LRP2: variants seen among roughly 807,000 people sequenced by gnomAD.
LRP2 encodes LDL receptor related protein 2, also known as low-density lipoprotein receptor-related protein 2.
LRP2 carries 172 observed loss-of-function variants against 531.0 expected under a neutral mutation model. The observed-to-expected ratio is 0.32, with a 90% CI of 0.29 to 0.37. LRP2 has a LOEUF of 0.37. LRP2 is among the 10% of genes least tolerant of loss of function. The pLI, the probability that LRP2 is intolerant of heterozygous loss-of-function variation, is 1.00. For missense variants in LRP2, 5,167 were observed against 5,868.3 expected (o/e 0.88, Z 3.90); for synonymous variants, 1,992 against 2,027.6 (o/e 0.98, Z 0.47).
chr2:169,313,082 G>A (rs1161266356), intron 3 of LRP2, among the ~76,000 whole-genome samples: 1 of 152,114 alleles, frequency 6.6e-6, no homozygotes, highest in African/African-American at 2.4e-5. Flanking sequence ...CTCTATGCTG[G>A]TTATTCTAGT....
intron 16 of LRP2, among the ~76,000 whole-genome samples, chr2:169,268,766 G>A (rs996586362): frequency 1.3e-5 from 2 of 152,300 alleles, no homozygotes; most frequent in South Asian, 4.1e-4. Flanking sequence ...AATTAGTCAG[G>A]AGAAGGAAAT....
chr2:169,204,070 T>G lies in LRP2; in HGVS notation c.7917A>C (p.Gly2639=), dbSNP rs144126440. The G allele has an allele frequency of 7.7e-4, 1,239 of 1,614,162 alleles. 15 individuals are homozygous for G. The African/African-American group carries it at 0.015, about 19-fold the overall frequency. Residue 2639 remains glycine, a synonymous_variant, in exon 42 of 79, where the codon GGA becomes GGC. Coordinates refer to ENST00000649046, the MANE Select transcript of LRP2 (RefSeq NM_004525.3). The part of the protein sequence containing the change: ...MTTNLLSQPR[G]INTVVKNQKQ... ...TCTGGTTCTTCACAACAGTGTTGAT[T>G]CCCCTGGGCTGGGAGAGCAAATTTG...
chr2:169,361,377 C>CTCTCTCTCTCTCTCTCTCTCTCT lies in LRP2; in HGVS notation c.79+943_79+944insAGAGAGAGAGAGAGAGAGAGAGA, dbSNP rs1559092856. Among the ~76,000 whole-genome samples the CTCTCTCTCTCTCTCTCTCTCTCT allele has an allele frequency of 2.1e-4, 11 of 52,282 alleles. 2 individuals are homozygous for CTCTCTCTCTCTCTCTCTCTCTCT. The highest frequency in any genetic ancestry group is 8.5e-4 in the South Asian group (1 of 1,182). The allele number at this position is 52,282 out of a possible 152,430, so 34.3% of individuals were successfully genotyped here. On this transcript the variant is annotated intron_variant, in intron 1 of 78. Transcript: ENST00000649046. ...CTCTCTCTCTCTCTCTCTCTCTCTC[C>CTCTCTCTCTCTCTCTCTCTCTCT]CTCTCTCTCTCTCTCTCTGTCTCTC...
At chr2:169,158,201 G>T (rs1686415595) in intron 63 of LRP2, among the ~76,000 whole-genome samples, 1 of 151,660 alleles carries the variant, frequency 6.6e-6, no homozygotes, top group Non-Finnish European at 1.5e-5. Flanking sequence ...CACAAGGAAA[G>T]AAATTTTGTA....
rs2105472345 is a variant in LRP2, at chr2:169,294,225, T to C, written c.575A>G (p.Asn192Ser). The change falls in exon 6 of 79, where the codon AAT becomes AGT. Residue 192 changes from asparagine to serine, a missense_variant. Physicochemically the swap from Asn to Ser is conservative, Grantham distance 46. Coordinates refer to ENST00000649046, the MANE Select transcript of LRP2 (RefSeq NM_004525.3). ...ICLHNEFSCGNGECIPRAYVC... is the reference protein window; with the variant it reads ...ICLHNEFSCGSGECIPRAYVC... Reference sequence around the variant, plus strand: ...ATAAGCACGAGGGATACACTCTCCATTGCCACATGAAAACTCATTGTGCAA... The same window carrying C: ...ATAAGCACGAGGGATACACTCTCCACTGCCACATGAAAACTCATTGTGCAA... 1 of 1,613,622 alleles carries C rather than the reference T, an allele frequency of 6.2e-7. No individual in the cohort carries two copies. The highest frequency in any genetic ancestry group is 8.5e-7 in the Non-Finnish European group (1 of 1,179,688).
At chr2:169,174,487 G>A (rs1183359923) in intron 55 of LRP2, among the ~76,000 whole-genome samples, 3 of 152,160 alleles carry the variant, frequency 2.0e-5, no homozygotes, top group African/African-American at 7.2e-5. Context: ...TGTTATTGAT[G>A]TGTTGTTTTT....
In LRP2 at chr2:169,202,817, C is replaced by T. The variant is rs1205987240; in HGVS notation, c.8148G>A (p.Glu2716=). 6.2e-7 allele frequency: 1 copy of T among 1,614,216 alleles called. No homozygotes were observed. The highest frequency in any genetic ancestry group is 2.2e-5 in the East Asian group (1 of 44,886). The part of the protein sequence containing the change: ...TCSNGRCISE[E]WKCDNDNDCG... Reference sequence around the variant, plus strand: ...AGTCGTTGTCATTATCACACTTCCACTCTTCCGAGATGCAGCGCCCATTGG... The same window carrying T: ...AGTCGTTGTCATTATCACACTTCCATTCTTCCGAGATGCAGCGCCCATTGG... The change falls in exon 43 of 79, where the codon GAG becomes GAA. Residue 2716 remains glutamate (E), a synonymous_variant. Transcript: ENST00000649046.
intron 69 of LRP2, 45 bp downstream of exon 69, chr2:169,146,694 T>C (rs1413727118): frequency 1.4e-6 from 2 of 1,438,226 alleles, no homozygotes; most frequent in Non-Finnish European, 1.9e-6. Flanking sequence ...ATTAGAAATA[T>C]GTTAATTATT....
At chr2:169,352,644 A>G (rs1005071264) in intron 1 of LRP2, among the ~76,000 whole-genome samples, 3 of 152,174 alleles carry the variant, frequency 2.0e-5, no homozygotes, top group Non-Finnish European at 4.4e-5. Flanking sequence ...GTTGTGGCAC[A>G]TATGCACCAT....
At chr2:169,205,744 C>T (rs1253073121) in intron 40 of LRP2, 107 bp from the exon 41 acceptor site, 1 of 1,149,394 alleles carries the variant, frequency 8.7e-7, no homozygotes, top group Non-Finnish European at 1.3e-6. Flanking sequence ...AGTAACATGG[C>T]AAAAGAAACT....
intron 1 of LRP2, among the ~76,000 whole-genome samples, chr2:169,362,085 G>T (rs1686182000): frequency 6.6e-6 from 1 of 152,252 alleles, no homozygotes; most frequent in African/African-American, 2.4e-5. Flanking sequence ...CGCTGTCACC[G>T]AAACTGGCGG....
rs1688251714 is a variant in LRP2 at position 169,202,968 on chromosome 2, A to G, written c.8006-9T>C. On this transcript the variant is annotated splice_polypyrimidine_tract_variant and intron_variant, in intron 42 of 78. Transcript: ENST00000649046. ...CTCGGCACCATTTGGACCTGAAGAA[A>G]GATAATCCCAGAAGAAGTAAAAGAT... 1 of 1,612,874 alleles carries G rather than the reference A, an allele frequency of 6.2e-7. No individual in the cohort carries two copies. Among genetic ancestry groups the G allele is most frequent in the African/African-American group, 1.3e-5 (1 of 74,894 alleles).
chr2:169,294,162 T>G lies in LRP2; in HGVS notation c.638A>C (p.Asp213Ala). 6.2e-7 allele frequency: 1 copy of G among 1,610,660 alleles called. No individual in the cohort carries two copies. Among genetic ancestry groups the G allele is most frequent in the Non-Finnish European group, 8.5e-7 (1 of 1,176,916 alleles). ...AATCACCGTACTGCAAGCATGTTCG[T>G]CACTGCCGTCTTGGCAATCATTGTC... is the stretch of plus-strand genomic sequence containing the variant. ...DHDNDCQDGSDEHACNYPTCG... is the reference protein window; with the variant it reads ...DHDNDCQDGSAEHACNYPTCG... Residue 213 changes from aspartate (D) to alanine (A), a missense_variant, in exon 6 of 79, where the codon GAC becomes GCC. Physicochemically the swap from Asp to Ala is moderately radical, Grantham distance 126. This residue lies in a region of LRP2 where 2,811 missense variants were observed against 3,058.0 expected (regional missense o/e 0.92). Coordinates refer to ENST00000649046, the MANE Select transcript of LRP2 (RefSeq NM_004525.3).
Position 169,128,626 on chromosome 2 carries a change from A to T in LRP2, c.*37T>A. On this transcript the variant is annotated 3_prime_UTR_variant, in exon 79 of 79. Transcript: ENST00000649046. Reference sequence around the variant, plus strand: ...TGTTTGTAAAAAATATATGTGCAAAAGTGTGTTTCTAATTATTCCCTAAAT... The same window carrying T: ...TGTTTGTAAAAAATATATGTGCAAATGTGTGTTTCTAATTATTCCCTAAAT... 6.3e-7 allele frequency: 1 copy of T among 1,588,362 alleles called. No homozygotes were observed. The highest frequency in any genetic ancestry group is 8.6e-7 in the Non-Finnish European group (1 of 1,156,640).
intron 1 of LRP2, among the ~76,000 whole-genome samples, chr2:169,354,043 C>G (rs79869162): frequency 6.6e-6 from 1 of 152,100 alleles, no homozygotes; most frequent in Admixed American, 6.5e-5. Context: ...TTTTTTCAAC[C>G]TTTACTCAGG....
chr2:169,243,115 A>G, intron 23 of LRP2, 43 bp from the exon 24 acceptor site: 2 of 1,431,498 alleles, frequency 1.4e-6, no homozygotes, highest in Non-Finnish European at 2.0e-6. Flanking sequence ...GCTCAGGGCT[A>G]AAATGACTAA....
chr2:169,338,511 T>A (rs970949551), intron 1 of LRP2, among the ~76,000 whole-genome samples: 3 of 152,176 alleles, frequency 2.0e-5, no homozygotes, highest in Non-Finnish European at 4.4e-5. Context: ...GAAGGCATGC[T>A]TTATAGAGTG....
At chr2:169,280,248 G>T in intron 11 of LRP2, 102 bp downstream of exon 11, 1 of 1,317,226 alleles carries the variant, frequency 7.6e-7, no homozygotes. Flanking sequence ...GGCCTTTTTT[G>T]TTAGAAAACA....
At chr2:169,129,117 G>A (rs1480106077) in intron 77 of LRP2, 33 bp from the exon 78 acceptor site, 5 of 1,398,688 alleles carry the variant, frequency 3.6e-6, no homozygotes, top group Non-Finnish European at 5.1e-6. Flanking sequence ...AAACCTCTCA[G>A]TAATGGAATT....
Sources: allele counts gnomAD v4.1 joint callset (sites outside exome capture counted in the v4.1 genomes callset), GRCh38; gene constraint gnomAD v4.1.1; regional missense constraint gnomAD v4.1.1; transcripts MANE v1.5; gene names NCBI Gene and HGNC (gene_info 2026-07-23, HGNC 2026-07-21).